The following CDYL variants were observed in gnomAD, a reference collection of about 807,000 sequenced individuals.
CDYL encodes chromodomain Y-like protein.
Under a neutral mutation model 47.3 loss-of-function variants are expected in CDYL, and 8 were observed. The observed-to-expected ratio is 0.17, with a 90% CI of 0.10 to 0.31. CDYL has a LOEUF of 0.31. CDYL is among the 10% of genes least tolerant of loss of function. The probability of loss-of-function intolerance (pLI) is 1.00; values close to 1 mark genes in which losing one functional copy is unlikely to be tolerated. For missense variants in CDYL, 471 were observed against 701.4 expected (o/e 0.67, Z 3.71); for synonymous variants, 266 against 265.0 (o/e 1.00, Z -0.04).
chr6:4,854,458 G>C (rs1760945764), intron 1 of CDYL, among the ~76,000 whole-genome samples: 1 of 152,210 alleles, frequency 6.6e-6, no homozygotes, highest in Non-Finnish European at 1.5e-5. Flanking sequence ...CTCCCAGTGA[G>C]TCATTTTGGT....
At chr6:4,900,289 A>G (rs1347330536) in intron 2 of CDYL, among the ~76,000 whole-genome samples, 1 of 152,124 alleles carries the variant, frequency 6.6e-6, no homozygotes, top group East Asian at 1.9e-4. Context: ...ATTTCTTTTT[A>G]TGTTTTAAAC....
intron 1 of CDYL, among the ~76,000 whole-genome samples, chr6:4,816,395 C>T (rs928294315): frequency 5.9e-5 from 9 of 151,378 alleles, no homozygotes; most frequent in Admixed American, 4.0e-4. Context: ...ACTACTACTA[C>T]GAAGATTTAT....
intron 1 of CDYL, among the ~76,000 whole-genome samples, chr6:4,872,729 A>G (rs538585237): frequency 3.6e-4 from 55 of 152,314 alleles, no homozygotes; most frequent in African/African-American, 1.2e-3. Context: ...ATAACACTGT[A>G]GTTCCTAACT....
upstream of CDYL, among the ~76,000 whole-genome samples, chr6:4,772,059 C>A (rs1350340834): frequency 6.6e-6 from 1 of 152,188 alleles, no homozygotes; most frequent in African/African-American, 2.4e-5. Flanking sequence ...CTTGGTAGAA[C>A]ACCATTAGCT....
intron 1 of CDYL, among the ~76,000 whole-genome samples, chr6:4,852,806 C>CTTTTTTTTTTTTTTTT (rs528608801): frequency 1.4e-4 from 20 of 146,758 alleles, no homozygotes; most frequent in African/African-American, 4.8e-4. Context: ...TTTCTTTGTT[C>CTTTTTTTTTTTTTTTT]TTTTTTTTTT....
At chr6:4,789,652 T>C (rs1758864937) in intron 1 of CDYL, among the ~76,000 whole-genome samples, 1 of 152,214 alleles carries the variant, frequency 6.6e-6, no homozygotes, top group South Asian at 2.1e-4. Context: ...TAAAAATTGT[T>C]GTAGAATCAG....
intron 2 of CDYL, among the ~76,000 whole-genome samples, chr6:4,900,779 G>GTATATATATA (rs59594195): frequency 3.3e-4 from 17 of 51,638 alleles, no homozygotes; most frequent in South Asian, 9.5e-4. Flanking sequence ...GTATACGTGT[G>GTATATATATA]TATATATATA....
chr6:4,784,352 A>G (rs1036842125), intron 1 of CDYL, among the ~76,000 whole-genome samples: 2 of 152,150 alleles, frequency 1.3e-5, no homozygotes, highest in African/African-American at 4.8e-5. Context: ...GTTATATTTT[A>G]TTAAAGATCT....
chr6:4,860,527 G>A (rs1252652742), intron 1 of CDYL, among the ~76,000 whole-genome samples: 4 of 146,338 alleles, frequency 2.7e-5, no homozygotes, highest in African/African-American at 5.0e-5. Flanking sequence ...TATATATAAT[G>A]TATATTGTAT....
chr6:4,854,026 G>T (rs148321339), intron 1 of CDYL, among the ~76,000 whole-genome samples: 1 of 152,338 alleles, frequency 6.6e-6, no homozygotes, highest in African/African-American at 2.4e-5. Flanking sequence ...CCTGCTCGTG[G>T]TGAGTCCCCT....
intron 3 of CDYL, among the ~76,000 whole-genome samples, chr6:4,767,496 C>T (rs1208735558): frequency 1.3e-5 from 2 of 151,944 alleles, no homozygotes; most frequent in Non-Finnish European, 2.9e-5. Flanking sequence ...TCGTTTGAAC[C>T]CAGGAGGTGG....
intron 1 of CDYL, among the ~76,000 whole-genome samples, chr6:4,815,486 A>G (rs1759645829): frequency 6.6e-6 from 1 of 152,102 alleles, no homozygotes; most frequent in Admixed American, 6.5e-5. Flanking sequence ...TAGACTTACT[A>G]TGTCAGAAGG....
At chr6:4,837,682 C>T (rs1297882956) in intron 1 of CDYL, among the ~76,000 whole-genome samples, 1 of 152,062 alleles carries the variant, frequency 6.6e-6, no homozygotes, top group Non-Finnish European at 1.5e-5. Flanking sequence ...TCAGGCTGCT[C>T]TCGAACTCCT....
chr6:4,741,502 G>T (rs1387392965), intron 3 of CDYL, among the ~76,000 whole-genome samples: 1 of 152,168 alleles, frequency 6.6e-6, no homozygotes, highest in Admixed American at 6.5e-5. Flanking sequence ...CATTCTCTGT[G>T]CCCCTCATCC....
chr6:4,744,495 C>CA lies in CDYL; in HGVS notation c.186+9662dup, dbSNP rs5873949. On this transcript the variant is annotated intron_variant, in intron 3 of 8. Coordinates refer to the CDYL transcript ENST00000328908. ...TGGACAACAGAGCAAGACCCTGTCT[C>CA]AAAAAAAAAAATTGCCAAATTATGA... Among the ~76,000 whole-genome samples the CA allele has an allele frequency of 2.0e-3, 301 of 150,092 alleles. 1 individual carries two copies. The highest frequency in any genetic ancestry group is 7.1e-3 in the African/African-American group (287 of 40,644).
chr6:4,837,151 G>T (rs1470720851), intron 1 of CDYL, among the ~76,000 whole-genome samples: 1 of 152,216 alleles, frequency 6.6e-6, no homozygotes, highest in Non-Finnish European at 1.5e-5. Flanking sequence ...GGTATTACAT[G>T]TTCAGGGATA....
chr6:4,876,457 C>T (rs1235714272), intron 1 of CDYL, among the ~76,000 whole-genome samples: 3 of 152,102 alleles, frequency 2.0e-5, no homozygotes, highest in Non-Finnish European at 4.4e-5. Flanking sequence ...ATCCTACCAA[C>T]GATGTATGAA....
intron 1 of CDYL, among the ~76,000 whole-genome samples, chr6:4,802,168 C>T (rs1183747376): frequency 1.3e-5 from 2 of 152,132 alleles, no homozygotes; most frequent in Admixed American, 6.5e-5. Context: ...CAATTCTTAA[C>T]CCTTCTAGTT....
intron 2 of CDYL, among the ~76,000 whole-genome samples, chr6:4,930,867 A>G (rs766348921): frequency 6.6e-6 from 1 of 152,242 alleles, no homozygotes; most frequent in Non-Finnish European, 1.5e-5. Context: ...TCCGTAAGGA[A>G]CTCTCAGTTC....
Sources: gnomAD v4.1 joint callset for allele counts (sites outside exome capture counted in the v4.1 genomes callset) on GRCh38, gnomAD v4.1.1 for gene constraint, MANE v1.5 for transcripts, NCBI Gene and HGNC (gene_info 2026-07-23, HGNC 2026-07-21) for gene names.